Variants in OLFM2 observed in about 807,000 individuals in gnomAD.
OLFM2 encodes the protein noelin-2.
In OLFM2, 20 loss-of-function variants were observed where a neutral mutation model predicts 43.9. That is an observed-to-expected ratio of 0.46 (90% CI 0.32 to 0.66). OLFM2 has a LOEUF of 0.66. OLFM2 is among the 30% of genes least tolerant of loss of function. The pLI is 0.04. For synonymous variants in OLFM2, 268 were observed against 278.6 expected (o/e 0.96, Z 0.38); for missense variants, 416 against 643.6 (o/e 0.65, Z 3.83).
chr19:9,855,212 G>C (rs1190700199), intron 5 of OLFM2, among the ~76,000 whole-genome samples: 2 of 150,224 alleles, frequency 1.3e-5, no homozygotes, highest in Non-Finnish European at 3.0e-5. Flanking sequence ...ATCCCAGTGA[G>C]TGCTATTGGT....
intron 1 of OLFM2, among the ~76,000 whole-genome samples, chr19:9,926,491 G>A (rs533246822): frequency 6.6e-6 from 1 of 152,218 alleles, no homozygotes; most frequent in East Asian, 1.9e-4. Context: ...GGCGGAGCTT[G>A]CAGTGAGCTG....
At chr19:9,896,319 T>A (rs1231655662) in intron 1 of OLFM2, among the ~76,000 whole-genome samples, 1 of 152,088 alleles carries the variant, frequency 6.6e-6, no homozygotes, top group East Asian at 1.9e-4. Flanking sequence ...CAGGATGGTC[T>A]CAATCTCCTC....
intron 1 of OLFM2, among the ~76,000 whole-genome samples, chr19:9,933,824 TGGG>T (rs1427209241): frequency 6.6e-6 from 1 of 152,224 alleles, no homozygotes; most frequent in Non-Finnish European, 1.5e-5. Flanking sequence ...CCCAAAATGC[TGGG>T]ATTACAGGCG....
intron 1 of OLFM2, among the ~76,000 whole-genome samples, chr19:9,882,925 G>A (rs897190391): frequency 7.3e-5 from 11 of 151,236 alleles, no homozygotes; most frequent in African/African-American, 2.7e-4. Context: ...AAAGCCAGGC[G>A]CAGTGGCTCA....
intron 1 of OLFM2, among the ~76,000 whole-genome samples, chr19:9,862,988 C>CAA (rs33975846): frequency 0.035 from 4,800 of 135,594 alleles, 280 homozygotes; most frequent in African/African-American, 0.12. Context: ...AACTCTGTCT[C>CAA]AAAAAAAAAA....
chr19:9,912,951 C>T (rs2046839361), intron 1 of OLFM2, among the ~76,000 whole-genome samples: 1 of 150,172 alleles, frequency 6.7e-6, no homozygotes, highest in Non-Finnish European at 1.5e-5. Flanking sequence ...GACCCAGAGA[C>T]GCAAAGCAGG....
At chr19:9,861,612 TAATCTTACCAGGTGTGCTGGGAAA>T (rs1384746542) in intron 1 of OLFM2, among the ~76,000 whole-genome samples, 3 of 152,190 alleles carry the variant, frequency 2.0e-5, no homozygotes, top group African/African-American at 7.2e-5. Context: ...CCAACACTGG[TAATCTTACCAGGTGTGCTGGGAAA>T]AGGATGCTCT....
At chr19:9,905,935 G>A (rs528479162) in intron 1 of OLFM2, among the ~76,000 whole-genome samples, 9 of 152,300 alleles carry the variant, frequency 5.9e-5, no homozygotes, top group Admixed American at 1.3e-4. Flanking sequence ...GCCACGCTCA[G>A]ACATTCCGCA....
Position 9,854,649 on chromosome 19 carries a change from T to C in OLFM2, c.902A>G (p.Gln301Arg), listed in dbSNP as rs753698460. Residue 301 changes from glutamine to arginine, a missense_variant, in exon 6 of 6, where the codon CAG (glutamine) becomes CGG (arginine). Physicochemically the swap from Gln to Arg is conservative, Grantham distance 43. Coordinates refer to ENST00000264833, the MANE Select transcript of OLFM2 (RefSeq NM_058164.4). The surrounding 1 kb of genome is among the most constrained non-coding windows in gnomAD (Gnocchi z 9.5). ...GTAACCGGCGCCCGGGAGGCTCCTC[T>C]GCACCAGCACAGAGCGCGAGCGGAA... The part of the protein sequence containing the change: ...YHFRSRSVLV[Q>R]RSLPGAGYNN... The C allele has an allele frequency of 6.2e-7, 1 of 1,614,204 alleles. No homozygotes were observed. The highest frequency in any genetic ancestry group is 1.1e-5 in the South Asian group (1 of 91,088).
At chr19:9,933,439 T>C (rs1458015361) in intron 1 of OLFM2, among the ~76,000 whole-genome samples, 1 of 152,034 alleles carries the variant, frequency 6.6e-6, no homozygotes, top group Non-Finnish European at 1.5e-5. Flanking sequence ...GGTTTCACCA[T>C]GTTGGCCGGG....
Position 9,936,417 on chromosome 19 carries a change from C to G in OLFM2, c.-51G>C. ...ACCCCCGCCCGCCCTAGCGGCGCCTCGGCGCGGGGACCGCCACCAGGCGCG... is the reference window on the plus strand; with the variant it reads ...ACCCCCGCCCGCCCTAGCGGCGCCTGGGCGCGGGGACCGCCACCAGGCGCG... On this transcript the variant is annotated 5_prime_UTR_variant, in exon 1 of 6. Transcript: ENST00000264833. 1 of 1,200,356 alleles carries G rather than the reference C, an allele frequency of 8.3e-7. No individual in the cohort carries two copies. Among genetic ancestry groups the G allele is most frequent in the Non-Finnish European group, 1.0e-6 (1 of 967,472 alleles). The allele number at this position is 1,200,356 out of a possible 1,614,324, so 74.4% of individuals were successfully genotyped here.
chr19:9,898,804 A>T (rs1234562097), intron 1 of OLFM2, among the ~76,000 whole-genome samples: 2 of 152,154 alleles, frequency 1.3e-5, no homozygotes, highest in Non-Finnish European at 2.9e-5. Flanking sequence ...GAGATGTACC[A>T]GTCTGCCCAC....
At chr19:9,886,773 C>G (rs2145460705) in intron 1 of OLFM2, among the ~76,000 whole-genome samples, 1 of 152,206 alleles carries the variant, frequency 6.6e-6, no homozygotes, top group South Asian at 2.1e-4. Context: ...CAACCTCTGC[C>G]TCCTGGGTCC....
At chr19:9,879,225 C>T (rs1320009282) in intron 1 of OLFM2, among the ~76,000 whole-genome samples, 7 of 152,266 alleles carry the variant, frequency 4.6e-5, no homozygotes, top group South Asian at 2.1e-4. Flanking sequence ...CTCCGCCTCC[C>T]GGGTTCAAGC....
In OLFM2 at chr19:9,857,162, A is replaced by G. The variant is rs1041261462; in HGVS notation, c.580+101T>C. 1 of 1,174,904 alleles carries G rather than the reference A, an allele frequency of 8.5e-7. No homozygotes were observed. The highest frequency in any genetic ancestry group is 1.3e-6 in the Non-Finnish European group (1 of 794,528). 72.8% of individuals were successfully genotyped at this position (1,174,904 alleles called of 1,614,324 possible). A position where few individuals can be genotyped will look rare whatever the true frequency, so the allele number is the denominator to read the frequency against. On this transcript the variant is annotated intron_variant, in intron 4 of 5. Transcript: ENST00000264833. This position sits in a 1 kb window ranked among gnomAD's most constrained non-coding sequence, Gnocchi z 5.7. ...GGTCAAGGGTTGAGGTTTAAAAGTT[A>G]GAGGTCAAAACTGTGTCCAGCTTCT... is the stretch of plus-strand genomic sequence containing the variant.
chr19:9,924,392 C>T (rs1156861026), intron 1 of OLFM2, among the ~76,000 whole-genome samples: 2 of 106,156 alleles, frequency 1.9e-5, no homozygotes, highest in Non-Finnish European at 3.5e-5. Flanking sequence ...GGCGACAGAG[C>T]GAGACTCTGT....
At position 9,923,921 on chromosome 19, in the gene OLFM2, G is replaced by A. The variant is rs554089244; in HGVS notation, c.63+12383C>T. Among the ~76,000 whole-genome samples the A allele has an allele frequency of 6.6e-5, 10 of 150,610 alleles. No individual in the cohort carries two copies. The South Asian group carries it at 1.3e-3, about 19-fold the overall frequency. On this transcript the variant is annotated intron_variant, in intron 1 of 5. Transcript: ENST00000264833. ...TCGAGACCAACCTGGCCAACATGTC[G>A]AAACCCCATCTCTACTAAAAATACA...
chr19:9,918,740 T>C (rs143272323), intron 1 of OLFM2, among the ~76,000 whole-genome samples: 49 of 152,288 alleles, frequency 3.2e-4, no homozygotes, highest in African/African-American at 1.2e-3. Flanking sequence ...CAAAAACATT[T>C]TGCTAAGTAA....
rs2145431269 is a variant in OLFM2, at chr19:9,857,975, G to T, written c.214-114C>A. The stretch of plus-strand genomic sequence containing the variant: ...GCTGTACAAACACCACACCGACGAG[G>T]CCACCTTCTCCTCCCCTGAGCTTAC... On this transcript the variant is annotated intron_variant, in intron 2 of 5. Coordinates refer to ENST00000264833, the MANE Select transcript of OLFM2 (RefSeq NM_058164.4). The surrounding 1 kb of genome is among the most constrained non-coding windows in gnomAD (Gnocchi z 5.7). 1 of 1,332,544 alleles carries T rather than the reference G, an allele frequency of 7.5e-7. No individual in the cohort carries two copies. The highest frequency in any genetic ancestry group is 1.1e-6 in the Non-Finnish European group (1 of 943,308). The allele number at this position is 1,332,544 out of a possible 1,614,324, so 82.5% of individuals were successfully genotyped here. A position where few individuals can be genotyped will look rare whatever the true frequency, so the allele number is the denominator to read the frequency against.
Sources: allele counts gnomAD v4.1 joint callset (sites outside exome capture counted in the v4.1 genomes callset), GRCh38; gene constraint gnomAD v4.1.1; non-coding constraint Gnocchi (gnomAD v3.1); transcripts MANE v1.5; gene names NCBI Gene and HGNC (gene_info 2026-07-23, HGNC 2026-07-21).